SEMA6D: variants seen among roughly 807,000 people sequenced by gnomAD.
SEMA6D encodes semaphorin-6D.
A neutral mutation model predicts 106.6 loss-of-function variants in SEMA6D; 35 were observed. The observed-to-expected ratio is 0.33, with a 90% CI of 0.25 to 0.44. SEMA6D has a LOEUF of 0.44. Among genes scored for constraint, SEMA6D ranks in the 20% least tolerant of loss-of-function variants. The pLI is 1.00. For missense variants in SEMA6D, 1,185 were observed against 1,345.9 expected, an observed-to-expected ratio of 0.88 and a Z score of 1.87; for synonymous variants, 499 against 487.7, an observed-to-expected ratio of 1.02 and a Z score of -0.31.
At chr15:47,564,232 C>T (rs576166532) in intron 3 of SEMA6D, among the ~76,000 whole-genome samples, 5 of 152,144 alleles carry the variant, frequency 3.3e-5, no homozygotes, top group East Asian at 1.9e-4. Flanking sequence ...CAAGCTTACC[C>T]GCCATCTTCT....
intron 1 of SEMA6D, among the ~76,000 whole-genome samples, chr15:47,247,517 T>C (rs1218683264): frequency 6.6e-6 from 1 of 152,004 alleles, no homozygotes; most frequent in Non-Finnish European, 1.5e-5. Context: ...TTTAAGAAAA[T>C]ATGATTTTAC....
At chr15:47,492,456 C>T (rs1596142123) in intron 3 of SEMA6D, among the ~76,000 whole-genome samples, 1 of 152,222 alleles carries the variant, frequency 6.6e-6, no homozygotes, top group African/African-American at 2.4e-5. Flanking sequence ...ATTGCTTGTC[C>T]CAGCTCTTTG....
chr15:47,369,892 T>C (rs1440412151), intron 1 of SEMA6D, among the ~76,000 whole-genome samples: 1 of 152,210 alleles, frequency 6.6e-6, no homozygotes, highest in Admixed American at 6.5e-5. Context: ...AAACCAGAAA[T>C]GCTTGAATAC....
rs575349214 is a variant in SEMA6D, at chr15:47,739,523, G to A, written c.-54-20222G>A. ...TCCTGTTAAGATAGGTTTTAGTGGT[G>A]GGTCTGAGCATGTGATACATCTCAA... On this transcript the variant is annotated intron_variant, in intron 1 of 18. Transcript: ENST00000536845. 8.1e-4 allele frequency among the ~76,000 whole-genome samples: 123 copies of A among 152,236 alleles called. 1 individual carries two copies. Among genetic ancestry groups the A allele is most frequent in the Middle Eastern group, 6.8e-3 (2 of 294 alleles).
intron 4 of SEMA6D, among the ~76,000 whole-genome samples, chr15:47,652,687 G>A (rs934847508): frequency 1.3e-5 from 2 of 152,168 alleles, no homozygotes; most frequent in African/African-American, 4.8e-5. Context: ...GATTTTACAT[G>A]TGGCTTGTGC....
chr15:47,219,619 T>C (rs973663080), intron 1 of SEMA6D, among the ~76,000 whole-genome samples: 6 of 152,180 alleles, frequency 3.9e-5, no homozygotes. Flanking sequence ...ATAAGAAACA[T>C]GGTGTTTTTA....
rs547484129 is a variant in SEMA6D, at chr15:47,675,064, C to T, written c.-55+74168C>T. ...AATGTAAGCCACAGAGGTGTTCGAT[C>T]CAGGAGTGACCTTGGTGTCATAAAG... On this transcript the variant is annotated intron_variant, in intron 4 of 19. Transcript: ENST00000558014. 4.6e-5 allele frequency among the ~76,000 whole-genome samples: 7 copies of T among 152,302 alleles called. No individual in the cohort carries two copies. In the South Asian group the frequency reaches 1.2e-3, roughly 27 times the overall value.
intron 1 of SEMA6D, among the ~76,000 whole-genome samples, chr15:47,726,122 G>A (rs1227482867): frequency 6.6e-6 from 1 of 152,330 alleles, no homozygotes; most frequent in East Asian, 1.9e-4. Flanking sequence ...CTCCCCCTGC[G>A]CAGAGCACAC....
intron 2 of SEMA6D, among the ~76,000 whole-genome samples, chr15:47,463,146 A>C (rs1049454660): frequency 6.6e-6 from 1 of 152,148 alleles, no homozygotes; most frequent in Non-Finnish European, 1.5e-5. Flanking sequence ...ACCAGGATCT[A>C]AATCCACCTA....
intron 3 of SEMA6D, among the ~76,000 whole-genome samples, chr15:47,526,956 CT>C (rs773560933): frequency 2.9e-4 from 44 of 152,108 alleles, no homozygotes; most frequent in Non-Finnish European, 5.7e-4. Context: ...TCAGGCTGAT[CT>C]CGAACTCCTG....
chr15:47,383,126 A>G (rs1342955969), intron 1 of SEMA6D, among the ~76,000 whole-genome samples: 1 of 152,182 alleles, frequency 6.6e-6, no homozygotes, highest in Non-Finnish European at 1.5e-5. Context: ...GATGAGGACA[A>G]TATCTCAGCC....
At chr15:47,444,415 G>A (rs2041969910) in intron 2 of SEMA6D, among the ~76,000 whole-genome samples, 1 of 152,064 alleles carries the variant, frequency 6.6e-6, no homozygotes, top group Admixed American at 6.6e-5. Flanking sequence ...GGGATCAGCA[G>A]GTTTTCTTTA....
chr15:47,271,328 T>A (rs560273672), intron 1 of SEMA6D, among the ~76,000 whole-genome samples: 1 of 152,270 alleles, frequency 6.6e-6, no homozygotes, highest in African/African-American at 2.4e-5. Context: ...ACAAGTCTTA[T>A]GAGAGCCGTG....
intron 3 of SEMA6D, among the ~76,000 whole-genome samples, chr15:47,501,655 T>C (rs1417170665): frequency 6.6e-6 from 1 of 152,182 alleles, no homozygotes; most frequent in African/African-American, 2.4e-5. Context: ...TTCTGGAAAC[T>C]GTTAGCAACA....
At chr15:47,267,407 CT>C (rs1463995451) in intron 1 of SEMA6D, among the ~76,000 whole-genome samples, 4 of 151,178 alleles carry the variant, frequency 2.6e-5, no homozygotes, top group Admixed American at 2.6e-4. Flanking sequence ...TATATATTAA[CT>C]TTGACTGTTT....
At chr15:47,449,290 T>A (rs961035567) in intron 2 of SEMA6D, among the ~76,000 whole-genome samples, 8 of 152,120 alleles carry the variant, frequency 5.3e-5, no homozygotes, top group African/African-American at 1.9e-4. Context: ...ACTGAAGATA[T>A]GTTTATGAAA....
chr15:47,238,529 A>G (rs2032700562), intron 1 of SEMA6D, among the ~76,000 whole-genome samples: 3 of 152,182 alleles, frequency 2.0e-5, no homozygotes, highest in African/African-American at 4.8e-5. Context: ...CAATATTTGT[A>G]TTTTCTCCAA....
At chr15:47,211,766 G>C (rs1360048034) in intron 1 of SEMA6D, among the ~76,000 whole-genome samples, 1 of 152,032 alleles carries the variant, frequency 6.6e-6, no homozygotes, top group East Asian at 1.9e-4. Context: ...ACTAGGAAAG[G>C]AAAGAAAAGA....
intron 1 of SEMA6D, among the ~76,000 whole-genome samples, chr15:47,310,174 T>G (rs1388831477): frequency 6.6e-6 from 1 of 152,218 alleles, no homozygotes; most frequent in Non-Finnish European, 1.5e-5. Flanking sequence ...CTTTTTCATG[T>G]GGTAAGTGTT....
Sources: gnomAD v4.1 joint callset for allele counts (sites outside exome capture counted in the v4.1 genomes callset) on GRCh38, gnomAD v4.1.1 for gene constraint, MANE v1.5 for transcripts, NCBI Gene and HGNC (gene_info 2026-07-23, HGNC 2026-07-21) for gene names.